The following TAOK1 variants were observed in gnomAD, a reference collection of about 807,000 sequenced individuals.
TAOK1 encodes TAO kinase 1.
In TAOK1, 21 loss-of-function variants were observed where a neutral mutation model predicts 138.3. That is an observed-to-expected ratio of 0.15 (90% CI 0.11 to 0.22). TAOK1 has a LOEUF of 0.22. TAOK1 is among the 10% of genes least tolerant of loss of function. The pLI is 1.00. For missense variants in TAOK1, 651 were observed against 1,227.7 expected (o/e 0.53, Z 7.02); for synonymous variants, 361 against 398.4 (o/e 0.91, Z 1.12).
intron 17 of TAOK1, among the ~76,000 whole-genome samples, chr17:29,529,296 T>A (rs568455881): frequency 1.3e-5 from 2 of 152,108 alleles, no homozygotes; most frequent in Admixed American, 6.6e-5. Flanking sequence ...TGAGAAAAAA[T>A]TTAATTTTCT....
intron 18 of TAOK1, among the ~76,000 whole-genome samples, chr17:29,530,962 AT>A (rs66788063): frequency 0.017 from 1,680 of 96,182 alleles, 118 homozygotes; most frequent in African/African-American, 0.067. Context: ...ACAAGTACAA[AT>A]TTTTTTTTTT....
chr17:29,407,935 G>A (rs983607825), intron 1 of TAOK1, among the ~76,000 whole-genome samples: 1 of 151,350 alleles, frequency 6.6e-6, no homozygotes, highest in Non-Finnish European at 1.5e-5. Context: ...GCAGTGGCAT[G>A]CGCTGCAGCC....
At chr17:29,433,893 C>T (rs772926601) in intron 1 of TAOK1, among the ~76,000 whole-genome samples, 30 of 152,018 alleles carry the variant, frequency 2.0e-4, no homozygotes, top group Non-Finnish European at 1.8e-4. Context: ...CTGACAGGGG[C>T]CTGTTTTGGG....
chr17:29,497,088 CATATTAAGT>C (rs146837883), intron 11 of TAOK1, among the ~76,000 whole-genome samples: 5,792 of 152,142 alleles, frequency 0.038, 146 homozygotes, highest in Non-Finnish European at 0.06. Flanking sequence ...AAGCAATATA[CATATTAAGT>C]ATATTATGTG....
chr17:29,458,110 G>GAA (rs59723374), intron 2 of TAOK1, among the ~76,000 whole-genome samples: 30 of 148,588 alleles, frequency 2.0e-4, no homozygotes, highest in East Asian at 1.2e-3. Context: ...ACTCCATCTT[G>GAA]AAAAAAAAAA....
intron 2 of TAOK1, among the ~76,000 whole-genome samples, chr17:29,465,962 G>A (rs547619962): frequency 6.8e-6 from 1 of 146,310 alleles, no homozygotes; most frequent in Admixed American, 7.1e-5. Context: ...GACAGCATAT[G>A]TTGAGGAATT....
At chr17:29,513,963 A>T (rs1232980707) in intron 15 of TAOK1, 5 of 151,936 alleles carry the variant, frequency 3.3e-5, no homozygotes, top group Non-Finnish European at 7.4e-5. Flanking sequence ...ATTAAAAAAA[A>T]TAAAAAATAA....
At chr17:29,531,195 C>T (rs980003115) in intron 18 of TAOK1, among the ~76,000 whole-genome samples, 2 of 151,266 alleles carry the variant, frequency 1.3e-5, no homozygotes, top group Non-Finnish European at 2.9e-5. Context: ...TCTCGATCTC[C>T]TGACCTCGTG....
At position 29,486,629 on chromosome 17, in the gene TAOK1, C is replaced by T. The variant is rs550280204; in HGVS notation, c.656-3035C>T. ...ATCTGGGTGACAGAGTGAGATCTGA[C>T]TCAAGAAAAAAAAAAAAGTTATTTG... On this transcript the variant is annotated intron_variant, in intron 8 of 19. Transcript: ENST00000261716. Among the ~76,000 whole-genome samples, 9 of 149,972 alleles carry T rather than the reference C, an allele frequency of 6.0e-5. No homozygotes were observed. The South Asian group carries it at 1.3e-3, about 21-fold the overall frequency.
chr17:29,402,971 A>G (rs936747924), intron 1 of TAOK1, among the ~76,000 whole-genome samples: 1 of 151,518 alleles, frequency 6.6e-6, no homozygotes, highest in African/African-American at 2.4e-5. Flanking sequence ...TCAAGAGATC[A>G]AGACAGAGCA....
At chr17:29,453,181 A>G (rs943922630) in intron 2 of TAOK1, among the ~76,000 whole-genome samples, 1 of 135,436 alleles carries the variant, frequency 7.4e-6, no homozygotes, top group African/African-American at 2.8e-5. Flanking sequence ...TTTTTTTGAG[A>G]TGGAGTCTCG....
chr17:29,391,585 A>C (rs1016528864), intron 1 of TAOK1, among the ~76,000 whole-genome samples: 2 of 152,180 alleles, frequency 1.3e-5, no homozygotes, highest in African/African-American at 4.8e-5. Flanking sequence ...ATGTATACAC[A>C]GAAGGGAGGG....
chr17:29,456,406 G>A (rs1401480553), intron 2 of TAOK1, among the ~76,000 whole-genome samples: 2 of 150,292 alleles, frequency 1.3e-5, no homozygotes, highest in African/African-American at 5.0e-5. Flanking sequence ...TGGTTCTGAA[G>A]TTTTCTTTCT....
intron 1 of TAOK1, among the ~76,000 whole-genome samples, chr17:29,441,832 A>G (rs985911910): frequency 2.6e-5 from 4 of 151,800 alleles, no homozygotes; most frequent in African/African-American, 7.3e-5. Flanking sequence ...CAGGAGGCGG[A>G]GGTTGCAGTG....
At position 29,548,403 on chromosome 17, in the gene TAOK1, G is replaced by C. The variant is rs1240902666; in HGVS notation, c.*5381G>C. On this transcript the variant is annotated 3_prime_UTR_variant, in exon 20 of 20. Coordinates refer to ENST00000261716, the MANE Select transcript of TAOK1 (RefSeq NM_020791.4). ...ATCTAAACTTTTTGAAGTTTCAGAG[G>C]TGTATTTTTTTTTTGTATATATGTC... 1 of 151,828 alleles carries C rather than the reference G, an allele frequency of 6.6e-6. No homozygotes were observed. The highest frequency in any genetic ancestry group is 6.6e-5 in the Admixed American group (1 of 15,214). 9.4% of individuals were successfully genotyped at this position (151,828 alleles called of 1,614,324 possible). A position where few individuals can be genotyped will look rare whatever the true frequency, so the allele number is the denominator to read the frequency against.
chr17:29,529,861 C>CA (rs35675934), intron 17 of TAOK1, among the ~76,000 whole-genome samples: 25,549 of 125,788 alleles, frequency 0.2, 2,340 homozygotes, highest in Admixed American at 0.25. Flanking sequence ...AGCGAGATTC[C>CA]AAAAAAAAAA....
At chr17:29,514,687 A>AT (rs1314333939) in intron 15 of TAOK1, 1 of 151,910 alleles carries the variant, frequency 6.6e-6, no homozygotes, top group African/African-American at 2.4e-5. Flanking sequence ...ATACTAGTAT[A>AT]TTTTTTACCA....
rs2032397146 is a variant in TAOK1 at position 29,545,950 on chromosome 17, ACT to A, written c.*2931_*2932del. The A allele has an allele frequency of 2.0e-5, 3 of 152,024 alleles. No homozygotes were observed. In the South Asian group the frequency reaches 6.2e-4, roughly 32 times the overall value. The allele number at this position is 152,024 out of a possible 1,614,324, so 9.4% of individuals were successfully genotyped here. On this transcript the variant is annotated 3_prime_UTR_variant, in exon 20 of 20. Coordinates refer to ENST00000261716, the MANE Select transcript of TAOK1 (RefSeq NM_020791.4). ...TGGCTGTAAAAAGTTCCTTGGGGTC[ACT>A]CTATCTCACATTTTTTTTGGTTAGC...
intron 19 of TAOK1, among the ~76,000 whole-genome samples, chr17:29,541,420 T>C (rs984048523): frequency 8.6e-5 from 13 of 152,038 alleles, no homozygotes; most frequent in Non-Finnish European, 1.8e-4. Flanking sequence ...TAGATAGGAC[T>C]TTTGACTTTA....
Sources: allele counts gnomAD v4.1 joint callset (sites outside exome capture counted in the v4.1 genomes callset), GRCh38; gene constraint gnomAD v4.1.1; transcripts MANE v1.5; gene names NCBI Gene and HGNC (gene_info 2026-07-23, HGNC 2026-07-21).